LYPD8: variants seen among roughly 807,000 people sequenced by gnomAD.
LYPD8 encodes the protein ly6/PLAUR domain-containing protein 8.
In LYPD8, 8 loss-of-function variants were observed where a neutral mutation model predicts 1.7. The ratio of observed to expected loss-of-function variants is 4.58; its 90% CI spans 2.69 to 8.27. The LOEUF is 8.27. Among genes scored for constraint, LYPD8 ranks in the 30% most tolerant of loss-of-function variants. The pLI is 0.00. For missense variants in LYPD8, 112 were observed against 102.3 expected (o/e 1.09, Z -0.41); for synonymous variants, 50 against 43.6 (o/e 1.15, Z -0.58).
At position 248,739,704 on chromosome 1, in the gene LYPD8, C is replaced by T. The variant is rs782604612; in HGVS notation, c.621G>A (p.Thr207=). ...CGTTGTGGGAAGTGGTTGGTGCAGA[C>T]GTGGGGGTTAAGCTGTTTACATTTG... The part of the protein sequence containing the change: ...ECANVNSLTP[T]SAPTTSHNVG... The change falls in exon 7 of 7, where the codon ACG becomes ACA. Residue 207 remains threonine (T), a synonymous_variant. Coordinates refer to ENST00000590317, the MANE Select transcript of LYPD8 (RefSeq NM_001085474.2). The surrounding 1 kb of genome is among the most constrained non-coding windows in gnomAD (Gnocchi z 4.3). The T allele has an allele frequency of 4.5e-5, 70 of 1,551,556 alleles. No individual in the cohort carries two copies. The highest frequency in any genetic ancestry group is 5.9e-5 in the Admixed American group (3 of 50,980).
intron 2 of LYPD8, among the ~76,000 whole-genome samples, chr1:248,753,669 G>A (rs1442396251): frequency 0.06 from 2,934 of 48,550 alleles, 348 homozygotes; most frequent in East Asian, 0.21. Flanking sequence ...CACACCCCAC[G>A]CAACACACAC....
chr1:248,753,501 A>ACACCACACACAAC (rs1223830930), intron 2 of LYPD8, among the ~76,000 whole-genome samples: 10 of 100,652 alleles, frequency 9.9e-5, no homozygotes, highest in African/African-American at 4.0e-4. Context: ...CACAACACAC[A>ACACCACACACAAC]ACACAACACA....
In LYPD8 at chr1:248,739,959, C is replaced by T. The variant is rs1662559375; in HGVS notation, c.476-110G>A. On this transcript the variant is annotated intron_variant, in intron 6 of 6. Transcript: ENST00000590317. This position sits in a 1 kb window ranked among gnomAD's most constrained non-coding sequence, Gnocchi z 4.3. ...ACGGTGGCCCGGTGACCAGCAAGAG[C>T]TGGTGTGCTCCTGAAGCCCAGGCAG... is the stretch of plus-strand genomic sequence containing the variant. The T allele has an allele frequency of 7.1e-6, 10 of 1,412,870 alleles. No individual in the cohort carries two copies. In the South Asian group the frequency reaches 1.3e-4, roughly 19 times the overall value. The allele number at this position is 1,412,870 out of a possible 1,614,324, so 87.5% of individuals were successfully genotyped here.
intron 6 of LYPD8, among the ~76,000 whole-genome samples, chr1:248,742,530 C>CG (rs782408129): frequency 6.5e-5 from 3 of 45,960 alleles, no homozygotes; most frequent in African/African-American, 1.4e-4. Flanking sequence ...ATGTTGGCAG[C>CG]GGGGAGATTA....
At chr1:248,752,639 C>A (rs1251172163) in intron 2 of LYPD8, among the ~76,000 whole-genome samples, 180 of 70,804 alleles carry the variant, frequency 2.5e-3, no homozygotes, top group African/African-American at 6.0e-3. Context: ...CCACACACCC[C>A]ACACAACACA....
In LYPD8 at chr1:248,739,800, G is replaced by A. The variant is rs782506590; in HGVS notation, c.525C>T (p.Asn175=). Residue 175 remains asparagine (N), a synonymous_variant, in exon 7 of 7, where the codon AAC becomes AAT. Coordinates refer to ENST00000590317, the MANE Select transcript of LYPD8 (RefSeq NM_001085474.2). This position sits in a 1 kb window ranked among gnomAD's most constrained non-coding sequence, Gnocchi z 4.3. ...CACCAGACAGGAACTGACAGGTGGC[G>A]TTACTGACGTTGGAACAGCCTTTCA... ...LVLKGCSNVS[N]ATCQFLSGEN... is the part of the protein sequence containing the mutation. 161 of 1,551,614 alleles carry A rather than the reference G, an allele frequency of 1.0e-4. No individual in the cohort carries two copies. Among genetic ancestry groups the A allele is most frequent in the Non-Finnish European group, 1.3e-4 (150 of 1,146,996 alleles).
chr1:248,740,509 T>TA (rs1202087839), intron 6 of LYPD8, among the ~76,000 whole-genome samples: 2 of 152,242 alleles, frequency 1.3e-5, no homozygotes, highest in African/African-American at 4.8e-5. Context: ...ATTGAGCACT[T>TA]ACTGTGAGCC....
intron 2 of LYPD8, 145 bp from the exon 3 acceptor site, chr1:248,751,275 C>T (rs1662797845): frequency 2.5e-6 from 1 of 394,886 alleles, no homozygotes; most frequent in Non-Finnish European, 4.5e-6. Flanking sequence ...GAGCACAAAG[C>T]TGATTCCACC....
At chr1:248,749,627 C>T (rs1197652425) in intron 4 of LYPD8, among the ~76,000 whole-genome samples, 4 of 152,122 alleles carry the variant, frequency 2.6e-5, no homozygotes, top group African/African-American at 7.2e-5. Context: ...CCCACCTCCA[C>T]ATTCATGACA....
At chr1:248,750,326 G>C (rs879195970) in intron 4 of LYPD8, among the ~76,000 whole-genome samples, 198 bp downstream of exon 4, 102,331 of 152,076 alleles carry the variant, frequency 0.67, 36,029 homozygotes, top group Middle Eastern at 0.85. Context: ...GGGCTCCTGT[G>C]GCTTTGACCC....
intron 6 of LYPD8, among the ~76,000 whole-genome samples, chr1:248,741,915 A>C (rs1197276066): frequency 1.3e-5 from 2 of 152,224 alleles, no homozygotes; most frequent in African/African-American, 4.8e-5. Context: ...CTCTGGAGGC[A>C]ATAACAAAGA....
chr1:248,741,966 A>G (rs1553283386), intron 6 of LYPD8, among the ~76,000 whole-genome samples: 1 of 152,254 alleles, frequency 6.6e-6, no homozygotes, highest in Admixed American at 6.5e-5. Context: ...AGGGATGCGT[A>G]GGTAGAGCAT....
intron 2 of LYPD8, among the ~76,000 whole-genome samples, chr1:248,752,738 ACACACCACACACCC>A (rs1662826085): frequency 8.8e-6 from 1 of 113,358 alleles, no homozygotes. Flanking sequence ...CACACATCAC[ACACACCACACACCC>A]CACACACACC....
At chr1:248,753,320 C>G (rs1662860922) in intron 2 of LYPD8, among the ~76,000 whole-genome samples, 1 of 114,082 alleles carries the variant, frequency 8.8e-6, no homozygotes, top group Non-Finnish European at 1.8e-5. Flanking sequence ...CCACACAACA[C>G]ACAACACATC....
intron 4 of LYPD8, 87 bp from the exon 5 acceptor site, chr1:248,748,540 C>G (rs1662749415): frequency 2.5e-6 from 1 of 397,678 alleles, no homozygotes; most frequent in Admixed American, 4.4e-5. Flanking sequence ...CTGTTTCAGG[C>G]AAAGGCAGAA....
At chr1:248,741,789 C>T (rs1662605101) in intron 6 of LYPD8, among the ~76,000 whole-genome samples, 2 of 152,008 alleles carry the variant, frequency 1.3e-5, no homozygotes, top group Admixed American at 1.3e-4. Flanking sequence ...CTTAGACATC[C>T]CAGAAATTTT....
At chr1:248,750,295 A>T (rs1201319252) in intron 4 of LYPD8, among the ~76,000 whole-genome samples, 4 of 19,494 alleles carry the variant, frequency 2.1e-4, no homozygotes, top group African/African-American at 2.2e-4. Context: ...GGTCACGGGC[A>T]TCAGTCCCAA....
At chr1:248,753,917 A>AT (rs2103175322) in intron 2 of LYPD8, among the ~76,000 whole-genome samples, 1 of 147,268 alleles carries the variant, frequency 6.8e-6, no homozygotes, top group East Asian at 2.1e-4. Context: ...TACATACTAC[A>AT]TACACACAAC....
At chr1:248,754,990 A>G (rs1662899350) in intron 2 of LYPD8, among the ~76,000 whole-genome samples, 1 of 152,134 alleles carries the variant, frequency 6.6e-6, no homozygotes, top group Non-Finnish European at 1.5e-5. Context: ...AGAGGATGAG[A>G]TGAGATGAGA....
Sources: gnomAD v4.1 joint callset for allele counts (sites outside exome capture counted in the v4.1 genomes callset) on GRCh38, gnomAD v4.1.1 for gene constraint, Gnocchi (gnomAD v3.1) non-coding constraint, MANE v1.5 for transcripts, NCBI Gene and HGNC (gene_info 2026-07-23, HGNC 2026-07-21) for gene names.